ROBO1: variants seen among roughly 807,000 people sequenced by gnomAD.
The protein encoded by ROBO1 is roundabout guidance receptor 1.
ROBO1 carries 149 observed loss-of-function variants against 195.9 expected under a neutral mutation model. That is an observed-to-expected ratio of 0.76 (90% CI 0.67 to 0.87). ROBO1 has a LOEUF of 0.87. ROBO1 is among the 40% of genes least tolerant of loss of function. The pLI, the probability that ROBO1 is intolerant of heterozygous loss-of-function variation, is 0.00. For missense variants in ROBO1, 1,933 were observed against 2,068.3 expected, an observed-to-expected ratio of 0.93 and a Z score of 1.27; for synonymous variants, 816 against 733.2, an observed-to-expected ratio of 1.11 and a Z score of -1.82.
chr3:79,377,678 G>A (rs886836814), intron 2 of ROBO1, among the ~76,000 whole-genome samples: 1 of 152,042 alleles, frequency 6.6e-6, no homozygotes, highest in African/African-American at 2.4e-5. Context: ...ATTCATCAGA[G>A]TTTGCACTAA....
At chr3:79,249,068 T>C (rs1265802526) in intron 2 of ROBO1, among the ~76,000 whole-genome samples, 1 of 152,224 alleles carries the variant, frequency 6.6e-6, no homozygotes, top group Non-Finnish European at 1.5e-5. Context: ...CTTTTCTTTC[T>C]ATTAGAACCT....
chr3:79,247,129 G>GTTTTTTTTTTT (rs575917340), intron 2 of ROBO1, among the ~76,000 whole-genome samples: 2,347 of 134,540 alleles, frequency 0.017, 41 homozygotes, highest in Non-Finnish European at 0.024. Flanking sequence ...CCTGTTTACT[G>GTTTTTTTTTTT]TTTTTTTTTT....
chr3:79,686,497 T>C (rs1276599535), intron 1 of ROBO1, among the ~76,000 whole-genome samples: 1 of 152,160 alleles, frequency 6.6e-6, no homozygotes, highest in Non-Finnish European at 1.5e-5. Flanking sequence ...AAAATCTCCT[T>C]AAGCTGATAG....
chr3:79,324,365 T>C (rs571157544), intron 2 of ROBO1, among the ~76,000 whole-genome samples: 1 of 152,316 alleles, frequency 6.6e-6, no homozygotes, highest in African/African-American at 2.4e-5. Flanking sequence ...TAGAGACCAC[T>C]CTTACAAGGT....
rs1445412153 is a variant in ROBO1, at chr3:79,259,563, T to C, written c.89-134024A>G. 1.3e-5 allele frequency among the ~76,000 whole-genome samples: 2 copies of C among 152,130 alleles called. 1 individual carries two copies. Among genetic ancestry groups the C allele is most frequent in the African/African-American group, 4.8e-5 (2 of 41,496 alleles). On this transcript the variant is annotated intron_variant, in intron 2 of 30. Transcript: ENST00000464233. ...TCTATTTTTTTGTGCCCATTAACCA[T>C]CCCCACCTCCCCCTATGCCCCCACT...
chr3:79,439,862 G>A (rs1180890098), intron 2 of ROBO1, among the ~76,000 whole-genome samples: 1 of 152,078 alleles, frequency 6.6e-6, no homozygotes, highest in Admixed American at 6.6e-5. Context: ...CTAGAATGAA[G>A]ATGAGAGAGA....
At chr3:79,382,035 G>A (rs1444660020) in intron 2 of ROBO1, among the ~76,000 whole-genome samples, 1 of 151,930 alleles carries the variant, frequency 6.6e-6, no homozygotes, top group Middle Eastern at 3.2e-3. Context: ...CACCAGTCTA[G>A]TCTAGCTGTT....
At chr3:79,473,217 G>A (rs959899564) in intron 2 of ROBO1, among the ~76,000 whole-genome samples, 1 of 152,112 alleles carries the variant, frequency 6.6e-6, no homozygotes, top group Non-Finnish European at 1.5e-5. Flanking sequence ...GAGAGACACA[G>A]GCATGTGACA....
intron 14 of ROBO1, among the ~76,000 whole-genome samples, chr3:78,667,464 T>G (rs1707799846): frequency 6.6e-6 from 1 of 152,118 alleles, no homozygotes; most frequent in Non-Finnish European, 1.5e-5. Flanking sequence ...TATTATTGAC[T>G]GCAGTCACCT....
At chr3:79,504,306 T>C (rs1209910091) in intron 2 of ROBO1, among the ~76,000 whole-genome samples, 1 of 152,062 alleles carries the variant, frequency 6.6e-6, no homozygotes, top group Non-Finnish European at 1.5e-5. Flanking sequence ...GTTGATAAAG[T>C]TAGAAAATAT....
At chr3:79,598,042 C>G (rs1944231548) in intron 1 of ROBO1, among the ~76,000 whole-genome samples, 1 of 152,000 alleles carries the variant, frequency 6.6e-6, no homozygotes, top group South Asian at 2.1e-4. Context: ...TCTCATCACA[C>G]TTTCAGGATA....
At chr3:78,600,049 G>A (rs1025098801) in intron 30 of ROBO1, 64 bp downstream of exon 30, 3 of 1,292,118 alleles carry the variant, frequency 2.3e-6, no homozygotes, top group Non-Finnish European at 3.4e-6. Flanking sequence ...ACTGATGAAG[G>A]TTCCTAACTA....
At chr3:78,936,651 ATT>A (rs2039824811) in intron 4 of ROBO1, among the ~76,000 whole-genome samples, 1 of 151,956 alleles carries the variant, frequency 6.6e-6, no homozygotes, top group Non-Finnish European at 1.5e-5. Flanking sequence ...ATTTAGACAT[ATT>A]TGTAAGTATA....
At chr3:79,019,208 C>T in intron 3 of ROBO1, 9 of 986,636 alleles carry the variant, frequency 9.1e-6, no homozygotes, top group Non-Finnish European at 1.1e-5. Context: ...CCCTCGGCCC[C>T]TCGCCCTCTG....
At chr3:78,748,718 A>G (rs2108293546) in intron 4 of ROBO1, among the ~76,000 whole-genome samples, 1 of 152,232 alleles carries the variant, frequency 6.6e-6, no homozygotes, top group African/African-American at 2.4e-5. Flanking sequence ...CCATTCGAGT[A>G]AGTTATCACA....
chr3:79,423,474 T>C (rs1221028080), intron 2 of ROBO1, among the ~76,000 whole-genome samples: 3 of 152,140 alleles, frequency 2.0e-5, no homozygotes, highest in African/African-American at 7.2e-5. Context: ...TATGGTGTTA[T>C]AGGCCTGCAT....
intron 2 of ROBO1, among the ~76,000 whole-genome samples, chr3:79,168,896 C>T (rs2081118097): frequency 1.3e-5 from 2 of 152,002 alleles, no homozygotes; most frequent in South Asian, 2.1e-4. Flanking sequence ...TAGACTGTTG[C>T]TAGGAAAATC....
At chr3:79,646,349 G>A (rs969629658) in intron 1 of ROBO1, among the ~76,000 whole-genome samples, 10 of 151,872 alleles carry the variant, frequency 6.6e-5, no homozygotes, top group African/African-American at 2.2e-4. Flanking sequence ...CAAATCAAAC[G>A]CACAATGATA....
intron 28 of ROBO1, among the ~76,000 whole-genome samples, chr3:78,611,461 T>C (rs904749853): frequency 6.6e-6 from 1 of 152,214 alleles, no homozygotes; most frequent in Non-Finnish European, 1.5e-5. Flanking sequence ...TATATCCTAA[T>C]CCTACCCTTT....
Sources: gnomAD v4.1 joint callset for allele counts (sites outside exome capture counted in the v4.1 genomes callset) on GRCh38, gnomAD v4.1.1 for gene constraint, MANE v1.5 for transcripts, NCBI Gene and HGNC (gene_info 2026-07-23, HGNC 2026-07-21) for gene names.